The following PHF21A variants were observed in gnomAD, a reference collection of about 807,000 sequenced individuals.
The protein encoded by PHF21A is PHD finger protein 21A, also known as BHC80a.
A neutral mutation model predicts 82.5 loss-of-function variants in PHF21A; 11 were observed. The ratio of observed to expected loss-of-function variants is 0.13; its 90% CI spans 0.08 to 0.22. The LOEUF (loss-of-function observed/expected upper bound fraction) is 0.22. PHF21A is among the 10% of genes least tolerant of loss of function. PHF21A has a pLI of 1.00. For synonymous variants in PHF21A, 297 were observed against 302.8 expected (o/e 0.98, Z 0.20); for missense variants, 579 against 837.8 (o/e 0.69, Z 3.81).
At chr11:45,951,258 G>A (rs2092071359) in intron 11 of PHF21A, among the ~76,000 whole-genome samples, 1 of 152,072 alleles carries the variant, frequency 6.6e-6, no homozygotes, top group East Asian at 1.9e-4. Flanking sequence ...TACTCCTGTA[G>A]AGTTATTTAT....
intron 7 of PHF21A, among the ~76,000 whole-genome samples, chr11:45,974,919 T>C (rs2093954166): frequency 1.3e-5 from 2 of 152,220 alleles, no homozygotes; most frequent in African/African-American, 4.8e-5. Flanking sequence ...CAGAAATACA[T>C]GGCATGGCAA....
intron 10 of PHF21A, 85 bp from the exon 11 acceptor site, chr11:45,953,710 A>C: frequency 1.3e-6 from 1 of 769,346 alleles, no homozygotes; most frequent in East Asian, 2.7e-5. Flanking sequence ...GTAGTAGTCA[A>C]GAAGAAAGAA....
intron 9 of PHF21A, among the ~76,000 whole-genome samples, chr11:45,967,835 A>AG: frequency 6.6e-6 from 1 of 152,246 alleles, no homozygotes; most frequent in East Asian, 1.9e-4. Flanking sequence ...CTCTGTAATC[A>AG]GCATGTGCCT....
At chr11:46,084,482 T>C (rs1424586850) in intron 3 of PHF21A, among the ~76,000 whole-genome samples, 180 bp from the exon 4 acceptor site, 2 of 151,854 alleles carry the variant, frequency 1.3e-5, no homozygotes, top group Non-Finnish European at 2.9e-5. Flanking sequence ...ACACTTCAAA[T>C]AACTAAGAAA....
intron 6 of PHF21A, among the ~76,000 whole-genome samples, chr11:46,036,805 G>C (rs936086790): frequency 3.3e-5 from 5 of 152,024 alleles, no homozygotes; most frequent in African/African-American, 1.2e-4. Context: ...GGTTTCTCTA[G>C]GTAGATAATC....
chr11:45,986,084 A>ACACACACACACAC (rs10529223), intron 6 of PHF21A, among the ~76,000 whole-genome samples: 1 of 132,202 alleles, frequency 7.6e-6, no homozygotes, highest in Admixed American at 7.8e-5. Context: ...CTTCCTTCAA[A>ACACACACACACAC]ACACACACAC....
intron 1 of PHF21A, among the ~76,000 whole-genome samples, chr11:46,098,566 T>G (rs2097038538): frequency 6.6e-6 from 1 of 152,198 alleles, no homozygotes; most frequent in African/African-American, 2.4e-5. Context: ...TTCACAAGCT[T>G]CCATAGCTCT....
chr11:45,945,422 T>C (rs867550473), intron 15 of PHF21A, among the ~76,000 whole-genome samples: 46 of 152,202 alleles, frequency 3.0e-4, no homozygotes, highest in African/African-American at 9.9e-4. Flanking sequence ...TAAAGAAAAC[T>C]TTCCACTTTT....
At chr11:45,968,315 G>C (rs533519280) in intron 9 of PHF21A, among the ~76,000 whole-genome samples, 245 of 152,300 alleles carry the variant, frequency 1.6e-3, no homozygotes, top group Non-Finnish European at 3.1e-3. Context: ...GCTGCTCCTA[G>C]GATAAGGCCC....
At chr11:46,105,421 T>C (rs962087697) in intron 1 of PHF21A, among the ~76,000 whole-genome samples, 2 of 152,136 alleles carry the variant, frequency 1.3e-5, no homozygotes, top group Non-Finnish European at 2.9e-5. Context: ...ACTCAGGAAG[T>C]AGCACAACTG....
intron 6 of PHF21A, among the ~76,000 whole-genome samples, chr11:46,030,840 T>C (rs773230662): frequency 2.0e-4 from 14 of 70,574 alleles, no homozygotes; most frequent in East Asian, 3.8e-3. Flanking sequence ...CGTGTGTGTG[T>C]GTGTGTGTGT....
rs141416262 is a variant in PHF21A at position 46,060,710 on chromosome 11, G to A, written c.153+16044C>T. ...TTTGTTTAAGTTCCATATAGATGCTGGATATTAGACCTTTGTCAGATGCAC... is the reference window on the plus strand; with the variant it reads ...TTTGTTTAAGTTCCATATAGATGCTAGATATTAGACCTTTGTCAGATGCAC... On this transcript the variant is annotated intron_variant, in intron 6 of 18. Transcript: ENST00000676320. Among the ~76,000 whole-genome samples the A allele has an allele frequency of 2.2e-3, 328 of 152,218 alleles. 1 individual carries two copies. The highest frequency in any genetic ancestry group is 7.4e-3 in the African/African-American group (308 of 41,532).
chr11:46,072,508 A>G (rs748464505), intron 6 of PHF21A, among the ~76,000 whole-genome samples: 11 of 152,236 alleles, frequency 7.2e-5, no homozygotes, highest in Non-Finnish European at 1.5e-4. Flanking sequence ...CACTCTCAGC[A>G]GCCCTAGCCC....
intron 6 of PHF21A, among the ~76,000 whole-genome samples, chr11:46,028,290 G>A (rs908672319): frequency 2.0e-5 from 3 of 151,954 alleles, no homozygotes; most frequent in Non-Finnish European, 4.4e-5. Context: ...TGGTTCTTTT[G>A]AAACAATCTC....
intron 6 of PHF21A, among the ~76,000 whole-genome samples, chr11:46,021,534 A>ATG (rs1157143563): frequency 1.3e-5 from 2 of 151,760 alleles, no homozygotes; most frequent in African/African-American, 4.8e-5. Context: ...GTGTGCGTGC[A>ATG]TGTGTGTGTG....
At chr11:45,939,063 A>T (rs546644304) in intron 15 of PHF21A, among the ~76,000 whole-genome samples, 1 of 152,266 alleles carries the variant, frequency 6.6e-6, no homozygotes, top group African/African-American at 2.4e-5. Flanking sequence ...CGATCTCCTG[A>T]CCTGGCTATC....
At chr11:45,975,767 C>G (rs754271839) in intron 7 of PHF21A, among the ~76,000 whole-genome samples, 15 of 152,114 alleles carry the variant, frequency 9.9e-5, no homozygotes, top group Non-Finnish European at 1.8e-4. Context: ...AAACTGTTCC[C>G]ATTCCCTCTC....
chr11:46,104,709 C>T (rs1168547750), intron 1 of PHF21A, among the ~76,000 whole-genome samples: 1 of 152,170 alleles, frequency 6.6e-6, no homozygotes, highest in Non-Finnish European at 1.5e-5. Context: ...GATTGAGTGT[C>T]TCAAGATTTC....
At chr11:46,086,782 A>T (rs2096861828) in intron 3 of PHF21A, among the ~76,000 whole-genome samples, 1 of 152,208 alleles carries the variant, frequency 6.6e-6, no homozygotes, top group South Asian at 2.1e-4. Flanking sequence ...CCATAGTTCA[A>T]TTCAATTCAC....
Sources: gnomAD v4.1 joint callset for allele counts (sites outside exome capture counted in the v4.1 genomes callset) on GRCh38, gnomAD v4.1.1 for gene constraint, MANE v1.5 for transcripts, NCBI Gene and HGNC (gene_info 2026-07-23, HGNC 2026-07-21) for gene names.